Variants in CLDN12 observed in about 807,000 individuals in gnomAD.
The protein encoded by CLDN12 is claudin-12.
Under a neutral mutation model 15.5 loss-of-function variants are expected in CLDN12, and 9 were observed. That is an observed-to-expected ratio of 0.58 (90% CI 0.35 to 1.02). The LOEUF is 1.02. CLDN12 is among the 50% of genes least tolerant of loss of function. The probability of loss-of-function intolerance (pLI) is 0.02; values close to 1 mark genes in which losing one functional copy is unlikely to be tolerated. For missense variants in CLDN12, 233 were observed against 297.3 expected (o/e 0.78, Z 1.59); for synonymous variants, 140 against 121.6 (o/e 1.15, Z -1.00).
intron 1 of CLDN12, among the ~76,000 whole-genome samples, chr7:90,404,654 T>C (rs1250212601): frequency 2.0e-5 from 3 of 152,168 alleles, no homozygotes; most frequent in African/African-American, 7.2e-5. Flanking sequence ...CCAAGACAAC[T>C]GCACAGTCTT....
intron 1 of CLDN12, among the ~76,000 whole-genome samples, chr7:90,405,265 G>A (rs910388238): frequency 6.6e-6 from 1 of 152,164 alleles, no homozygotes; most frequent in African/African-American, 2.4e-5. Flanking sequence ...GTTTTGCCAT[G>A]TTGGCCAGGC....
intron 2 of CLDN12, among the ~76,000 whole-genome samples, chr7:90,411,299 T>C (rs1796956624): frequency 6.6e-6 from 1 of 152,190 alleles, no homozygotes. Context: ...AAGTAAACCT[T>C]ACTGAAGTAG....
intron 2 of CLDN12, among the ~76,000 whole-genome samples, chr7:90,410,813 A>C (rs1417824413): frequency 6.6e-6 from 1 of 152,132 alleles, no homozygotes; most frequent in African/African-American, 2.4e-5. Context: ...CCTAGGCAAC[A>C]TGAGAAAACC....
chr7:90,412,697 C>T lies in CLDN12; in HGVS notation c.21C>T (p.His7=), dbSNP rs1180615075. ...CTGCCATGGGCTGTCGGGATGTCCA[C>T]GCAGCCACAGTCCTTTCCTTCCTGT... The part of the protein sequence containing the change: MGCRDV[H]AATVLSFLCG... The change falls in exon 4 of 4, where the codon CAC becomes CAT. Residue 7 remains histidine, a synonymous_variant. Coordinates refer to ENST00000496677, the MANE Select transcript of CLDN12 (RefSeq NM_001185072.3). The T allele has an allele frequency of 5.0e-6, 8 of 1,613,068 alleles. No homozygotes were observed. Among genetic ancestry groups the T allele is most frequent in the East Asian group, 4.5e-5 (2 of 44,892 alleles).
In CLDN12 at chr7:90,414,500, A is replaced by G. The variant is rs1451513203; in HGVS notation, c.*1089A>G. ...GAGATCTGGTTCCATCCAGTAAGAC[A>G]TTTTAATAGAGAAGATCAAAATGTT... On this transcript the variant is annotated 3_prime_UTR_variant, in exon 4 of 4. Transcript: ENST00000496677. The G allele has an allele frequency of 3.1e-6, 2 of 635,888 alleles. No individual in the cohort carries two copies. The highest frequency in any genetic ancestry group is 4.0e-6 in the Non-Finnish European group (2 of 497,308). The allele number at this position is 635,888 out of a possible 1,614,324, so 39.4% of individuals were successfully genotyped here. A position where few individuals can be genotyped will look rare whatever the true frequency, so the allele number is the denominator to read the frequency against.
At chr7:90,407,916 A>G (rs537167931) in intron 2 of CLDN12, among the ~76,000 whole-genome samples, 1 of 152,170 alleles carries the variant, frequency 6.6e-6, no homozygotes, top group Non-Finnish European at 1.5e-5. Flanking sequence ...GTGGGGTGGG[A>G]GAGTGGCACA....
chr7:90,413,422 G>C lies in CLDN12; in HGVS notation c.*11G>C. On this transcript the variant is annotated 3_prime_UTR_variant, in exon 4 of 4. Transcript: ENST00000496677. ...TCACACACCACTTAATGGGGAAATA[G>C]TTAATTGTTAAAGAAAACTTCTTGT... is the stretch of plus-strand genomic sequence containing the variant. The C allele has an allele frequency of 3.1e-6, 5 of 1,604,922 alleles. No homozygotes were observed. The highest frequency in any genetic ancestry group is 4.3e-6 in the Non-Finnish European group (5 of 1,173,794).
rs760443285 is a variant in CLDN12, at chr7:90,413,359, C to T, written c.683C>T (p.Ser228Phe). The change falls in exon 4 of 4, where the codon TCT becomes TTT. Residue 228 changes from serine to phenylalanine, a missense_variant. By Grantham distance (155) the Ser-to-Phe change is radical. Coordinates refer to ENST00000496677, the MANE Select transcript of CLDN12 (RefSeq NM_001185072.3). ...TACTCACAGCCCTATTCAGCACGCT[C>T]TCGCCTCTCTGCCATTGAAATTGAC... is the stretch of plus-strand genomic sequence containing the variant. ...HTYSQPYSAR[S>F]RLSAIEIDIP... The T allele has an allele frequency of 6.2e-7, 1 of 1,614,166 alleles. No homozygotes were observed.
At position 90,413,151 on chromosome 7, in the gene CLDN12, A is replaced by G; in HGVS notation, c.475A>G (p.Ile159Val). Reference protein sequence around the residue: ...SPSIWVIFYNIHLNKKFEPVF... With the variant: ...SPSIWVIFYNVHLNKKFEPVF... ...ATCTATCTGGGTCATCTTTTATAAC[A>G]TCCATCTGAACAAGAAGTTTGAGCC... Residue 159 changes from isoleucine (I) to valine (V), a missense_variant, in exon 4 of 4, where the codon ATC becomes GTC. Transcript: ENST00000496677. 6.2e-7 allele frequency: 1 copy of G among 1,614,170 alleles called. No homozygotes were observed. Among genetic ancestry groups the G allele is most frequent in the Non-Finnish European group, 8.5e-7 (1 of 1,180,024 alleles).
chr7:90,404,603 G>A (rs535698215), intron 1 of CLDN12, among the ~76,000 whole-genome samples: 6 of 152,182 alleles, frequency 3.9e-5, no homozygotes, highest in Admixed American at 3.9e-4. Context: ...CTTGTTGTCA[G>A]TGTCCTTTTT....
chr7:90,414,068 T>A lies in CLDN12; in HGVS notation c.*657T>A. On this transcript the variant is annotated 3_prime_UTR_variant, in exon 4 of 4. Transcript: ENST00000496677. ...GAATAACATGTAATAATTTTTAACA[T>A]TAATGATTCCATAAATTGTATTATT... The A allele has an allele frequency of 1.0e-6, 1 of 994,300 alleles. No homozygotes were observed. The highest frequency in any genetic ancestry group is 1.2e-6 in the Non-Finnish European group (1 of 824,674). The allele number at this position is 994,300 out of a possible 1,614,324, so 61.6% of individuals were successfully genotyped here.
intron 2 of CLDN12, among the ~76,000 whole-genome samples, chr7:90,411,509 C>G (rs1363861634): frequency 6.6e-6 from 1 of 152,130 alleles, no homozygotes; most frequent in Non-Finnish European, 1.5e-5. Flanking sequence ...CTTATAATAG[C>G]ATTAATAGAA....
chr7:90,405,365 C>G (rs1186179716), intron 1 of CLDN12, among the ~76,000 whole-genome samples, 154 bp from the exon 2 acceptor site: 1 of 152,190 alleles, frequency 6.6e-6, no homozygotes, highest in Non-Finnish European at 1.5e-5. Context: ...CCCTGCTAAA[C>G]TGCCTTTTTA....
At chr7:90,407,929 C>T (rs1584664662) in intron 2 of CLDN12, among the ~76,000 whole-genome samples, 3 of 151,958 alleles carry the variant, frequency 2.0e-5, no homozygotes, top group South Asian at 4.2e-4. Flanking sequence ...GTGGCACATA[C>T]GAAGGTTGAG....
chr7:90,413,348 T>C lies in CLDN12; in HGVS notation c.672T>C (p.Tyr224=). The C allele has an allele frequency of 6.2e-7, 1 of 1,614,194 alleles. No homozygotes were observed. The highest frequency in any genetic ancestry group is 1.1e-5 in the South Asian group (1 of 91,076). ...PPSMHTYSQP[Y]SARSRLSAIE... ...GTATGCATACTTACTCACAGCCCTA[T>C]TCAGCACGCTCTCGCCTCTCTGCCA... Residue 224 remains tyrosine, a synonymous_variant, in exon 4 of 4, where the codon TAT becomes TAC. Transcript: ENST00000496677.
Position 90,413,282 on chromosome 7 carries a change from G to A in CLDN12, c.606G>A (p.Leu202=). ...LFIWYCTCKS[L]PSPFWQPLYS... is the part of the protein sequence containing the mutation. ...TTTGGTATTGTACATGCAAATCTTT[G>A]CCTTCTCCTTTCTGGCAACCATTGT... The change falls in exon 4 of 4, where the codon TTG becomes TTA. Residue 202 remains leucine (L), a synonymous_variant. Transcript: ENST00000496677. 6.2e-7 allele frequency: 1 copy of A among 1,614,068 alleles called. No individual in the cohort carries two copies. Among genetic ancestry groups the A allele is most frequent in the Non-Finnish European group, 8.5e-7 (1 of 1,180,008 alleles).
intron 1 of CLDN12, among the ~76,000 whole-genome samples, chr7:90,404,739 C>T (rs1410476755): frequency 6.6e-6 from 1 of 152,092 alleles, no homozygotes; most frequent in Non-Finnish European, 1.5e-5. Flanking sequence ...ATCATATATT[C>T]CCAAGACAGC....
intron 2 of CLDN12, among the ~76,000 whole-genome samples, chr7:90,410,813 A>T (rs1417824413): frequency 6.6e-6 from 1 of 152,132 alleles, no homozygotes; most frequent in Non-Finnish European, 1.5e-5. Flanking sequence ...CCTAGGCAAC[A>T]TGAGAAAACC....
chr7:90,407,770 T>C lies in CLDN12; in HGVS notation c.-77+2162T>C, dbSNP rs142463402. Among the ~76,000 whole-genome samples, 328 of 152,216 alleles carry C rather than the reference T, an allele frequency of 2.2e-3. 1 individual carries two copies. The highest frequency in any genetic ancestry group is 3.9e-3 in the Admixed American group (59 of 15,284). On this transcript the variant is annotated intron_variant, in intron 2 of 3. Coordinates refer to ENST00000496677, the MANE Select transcript of CLDN12 (RefSeq NM_001185072.3). ...TGGACACTAGAAGAATGAGTAAATATTAGCCAAGCAAAGAATAGGTTGGAA... is the reference window on the plus strand; with the variant it reads ...TGGACACTAGAAGAATGAGTAAATACTAGCCAAGCAAAGAATAGGTTGGAA...
Sources: gnomAD v4.1 joint callset for allele counts (sites outside exome capture counted in the v4.1 genomes callset) on GRCh38, gnomAD v4.1.1 for gene constraint, MANE v1.5 for transcripts, NCBI Gene and HGNC (gene_info 2026-07-23, HGNC 2026-07-21) for gene names.